USP28: variants seen among roughly 807,000 people sequenced by gnomAD.
USP28 encodes the protein ubiquitin carboxyl-terminal hydrolase 28.
A neutral mutation model predicts 145.0 loss-of-function variants in USP28; 113 were observed. The observed-to-expected ratio is 0.78, with a 90% CI of 0.67 to 0.91. The LOEUF (loss-of-function observed/expected upper bound fraction) is 0.91, where lower values mean the gene tolerates loss of function less well. USP28 is among the 40% of genes least tolerant of loss of function. The pLI is 0.00. For missense variants in USP28, 1,201 were observed against 1,289.6 expected, an observed-to-expected ratio of 0.93 and a Z score of 1.05; for synonymous variants, 447 against 450.9, an observed-to-expected ratio of 0.99 and a Z score of 0.11.
chr11:113,874,048 G>A (rs757122281), intron 1 of USP28, among the ~76,000 whole-genome samples: 68 of 151,788 alleles, frequency 4.5e-4, no homozygotes, highest in Non-Finnish European at 7.7e-4. Context: ...GGCTGAGGCA[G>A]GAGAATCGCT....
intron 13 of USP28, among the ~76,000 whole-genome samples, chr11:113,816,252 C>T (rs924449810): frequency 3.3e-5 from 5 of 152,134 alleles, no homozygotes; most frequent in African/African-American, 1.2e-4. Flanking sequence ...TACGGTGGCT[C>T]ACGCCTGTAA....
intron 9 of USP28, 161 bp from the exon 10 acceptor site, chr11:113,829,506 T>C (rs929088543): frequency 2.6e-6 from 2 of 781,250 alleles, no homozygotes; most frequent in African/African-American, 3.5e-5. Flanking sequence ...CCAGTCAATC[T>C]AGACACTGAA....
At chr11:113,845,024 G>A (rs891204026) in intron 3 of USP28, among the ~76,000 whole-genome samples, 2 of 151,698 alleles carry the variant, frequency 1.3e-5, no homozygotes, top group African/African-American at 4.8e-5. Flanking sequence ...GGAGGCTGAG[G>A]TGGGAGGATC....
chr11:113,854,160 G>A, intron 2 of USP28, 98 bp downstream of exon 2: 2 of 1,100,076 alleles, frequency 1.8e-6, no homozygotes, highest in Non-Finnish European at 2.7e-6. Context: ...GTCCCTATAT[G>A]TGCTTTAATT....
At chr11:113,824,665 T>C (rs1464463516) in intron 11 of USP28, among the ~76,000 whole-genome samples, 9 of 147,754 alleles carry the variant, frequency 6.1e-5, no homozygotes, top group African/African-American at 2.2e-4. Context: ...GGGCGGTGGC[T>C]CACGCCTGTA....
At chr11:113,799,339 C>T (rs1178497789) in exon 25 of USP28, 2 of 1,614,184 alleles carry the variant, frequency 1.2e-6, no homozygotes, top group Non-Finnish European at 1.7e-6. Context: ...TAGTTGGAGG[C>T]TCTTTCAAGA....
intron 1 of USP28, 71 bp downstream of exon 1, chr11:113,875,359 CGCAACCCGCAGCCCT>C: frequency 9.2e-7 from 1 of 1,090,778 alleles, no homozygotes; most frequent in Non-Finnish European, 1.1e-6. Flanking sequence ...CTCCGCAGCC[CGCAACCCGCAGCCCT>C]GCAGGCCCCG....
At chr11:113,841,684 G>C (rs1333031230) in exon 4 of USP28, 1 of 1,612,120 alleles carries the variant, frequency 6.2e-7, no homozygotes, top group African/African-American at 1.3e-5. Flanking sequence ...TCTTCCATCA[G>C]CTTGAATTTT....
At chr11:113,832,759 CTT>C (rs145743087) in intron 7 of USP28, among the ~76,000 whole-genome samples, 18,073 of 151,906 alleles carry the variant, frequency 0.12, 1,070 homozygotes, top group Middle Eastern at 0.17. Context: ...TTAGTGACAG[CTT>C]TGTTTTTGTT....
At chr11:113,799,045 AC>A in exon 25 of USP28, 1 of 558,082 alleles carries the variant, frequency 1.8e-6, no homozygotes, top group Non-Finnish European at 3.0e-6. Context: ...TTCTAGTGAA[AC>A]AGCTTTTATG....
chr11:113,860,120 A>T (rs1947497321), intron 1 of USP28, among the ~76,000 whole-genome samples: 1 of 152,208 alleles, frequency 6.6e-6, no homozygotes, highest in Non-Finnish European at 1.5e-5. Context: ...TCCCACAGTA[A>T]CTAGGTTAAA....
chr11:113,872,365 T>C (rs1364560704), intron 1 of USP28, among the ~76,000 whole-genome samples: 1 of 151,916 alleles, frequency 6.6e-6, no homozygotes, highest in Non-Finnish European at 1.5e-5. Flanking sequence ...TGGGCACCTG[T>C]AGTCCCAGCT....
intron 24 of USP28, among the ~76,000 whole-genome samples, chr11:113,800,360 T>C (rs983014050): frequency 2.0e-5 from 3 of 151,932 alleles, no homozygotes; most frequent in African/African-American, 4.8e-5. Flanking sequence ...TGGAGTGCAG[T>C]GGTATGATCT....
rs1363539347 is a variant in USP28 at position 113,844,459 on chromosome 11, A to G, written c.269-2691T>C. Among the ~76,000 whole-genome samples, 4 of 152,082 alleles carry G rather than the reference A, an allele frequency of 2.6e-5. No homozygotes were observed. In the East Asian group the frequency reaches 5.8e-4, roughly 22 times the overall value. ...ACTCCGTCTTAAAAAAAGAAAAAAAAAAGAAGAGACAACTCATAGAAAGGG... is the reference window on the plus strand; with the variant it reads ...ACTCCGTCTTAAAAAAAGAAAAAAAGAAGAAGAGACAACTCATAGAAAGGG... On this transcript the variant is annotated intron_variant, in intron 3 of 24. Coordinates refer to ENST00000003302, the Ensembl canonical transcript of USP28.
intron 3 of USP28, among the ~76,000 whole-genome samples, chr11:113,849,680 T>C (rs1030239140): frequency 6.6e-6 from 1 of 152,184 alleles, no homozygotes; most frequent in South Asian, 2.1e-4. Flanking sequence ...AGAGATGGGC[T>C]GAGTCTAGAC....
rs1401033873 is a variant in USP28, at chr11:113,815,389, A to G, written c.1464-7T>C. 2 of 1,608,562 alleles carry G rather than the reference A, an allele frequency of 1.2e-6. No individual in the cohort carries two copies. Among genetic ancestry groups the G allele is most frequent in the African/African-American group, 2.7e-5 (2 of 73,238 alleles). On this transcript the variant is annotated splice_region_variant and splice_polypyrimidine_tract_variant and intron_variant, in intron 13 of 24. Coordinates refer to ENST00000003302, the Ensembl canonical transcript of USP28. ...AGAGCTTTCTGTACTTGTACTGAGG[A>G]AGACAAAAATCATGCTCATATGATA...
At chr11:113,832,134 G>C in intron 7 of USP28, 141 bp from the exon 8 acceptor site, 6 of 743,628 alleles carry the variant, frequency 8.1e-6, no homozygotes, top group Non-Finnish European at 1.3e-5. Flanking sequence ...TTTTGAGACA[G>C]GGTCTCACTC....
chr11:113,800,443 C>T (rs1481496001), intron 24 of USP28, among the ~76,000 whole-genome samples: 1 of 152,102 alleles, frequency 6.6e-6, no homozygotes, highest in Admixed American at 6.5e-5. Flanking sequence ...GCTAGAACTA[C>T]ACTATACCCA....
chr11:113,873,791 T>C (rs1949054044), intron 1 of USP28, among the ~76,000 whole-genome samples: 1 of 152,198 alleles, frequency 6.6e-6, no homozygotes, highest in Non-Finnish European at 1.5e-5. Context: ...AGTCAGTGCA[T>C]GATACTTTCG....
Sources: allele counts gnomAD v4.1 joint callset (sites outside exome capture counted in the v4.1 genomes callset), GRCh38; gene constraint gnomAD v4.1.1; transcripts MANE v1.5; gene names NCBI Gene and HGNC (gene_info 2026-07-23, HGNC 2026-07-21).